The following ATXN2 variants were observed in gnomAD, a reference collection of about 807,000 sequenced individuals.
The protein encoded by ATXN2 is ataxin-2.
Under a neutral mutation model 138.6 loss-of-function variants are expected in ATXN2, and 37 were observed. That is an observed-to-expected ratio of 0.27 (90% CI 0.21 to 0.35). The LOEUF (loss-of-function observed/expected upper bound fraction) is 0.35, where lower values mean the gene tolerates loss of function less well. Ranked by LOEUF, ATXN2 falls within the 10% of genes least tolerant of loss-of-function variation. The probability of loss-of-function intolerance (pLI) is 1.00; values close to 1 mark genes in which losing one functional copy is unlikely to be tolerated. For synonymous variants in ATXN2, 549 were observed against 543.7 expected (o/e 1.01, Z -0.13); for missense variants, 1,216 against 1,480.3 (o/e 0.82, Z 2.93).
intron 14 of ATXN2, among the ~76,000 whole-genome samples, chr12:111,503,587 T>C (rs574109062): frequency 6.6e-6 from 1 of 151,938 alleles, no homozygotes; most frequent in Non-Finnish European, 1.5e-5. Flanking sequence ...CTGGGACACA[T>C]ATTTTTTTTT....
chr12:111,592,782 C>CAAAAAAAAAAACAAAAAAAAAAAA (rs1884736300), intron 1 of ATXN2, among the ~76,000 whole-genome samples: 1 of 26,018 alleles, frequency 3.8e-5, no homozygotes, highest in African/African-American at 1.1e-4. Flanking sequence ...GACTCCGTCT[C>CAAAAAAAAAAACAAAAAAAAAAAA]AAAAAAAAAA....
chr12:111,594,832 CT>C (rs923751651), intron 1 of ATXN2, among the ~76,000 whole-genome samples: 11 of 152,168 alleles, frequency 7.2e-5, no homozygotes, highest in African/African-American at 2.6e-4. Flanking sequence ...AACAACAAAG[CT>C]TTAGAACAGT....
At chr12:111,555,590 G>A (rs556917820) in intron 2 of ATXN2, among the ~76,000 whole-genome samples, 1 of 152,150 alleles carries the variant, frequency 6.6e-6, no homozygotes, top group African/African-American at 2.4e-5. Context: ...GTTTCCTGAG[G>A]CCTCCCCAGC....
chr12:111,502,505 T>A (rs1017469962), intron 14 of ATXN2, among the ~76,000 whole-genome samples: 1 of 151,988 alleles, frequency 6.6e-6, no homozygotes, highest in African/African-American at 2.4e-5. Context: ...TCTTAACTCA[T>A]GGCAACCACC....
chr12:111,481,910 C>T (rs1877266997), intron 18 of ATXN2, among the ~76,000 whole-genome samples: 1 of 152,106 alleles, frequency 6.6e-6, no homozygotes, highest in African/African-American at 2.4e-5. Flanking sequence ...CATCTGCCCA[C>T]CTCAGCCTCC....
chr12:111,497,196 C>T (rs1002621694), intron 14 of ATXN2, among the ~76,000 whole-genome samples: 3 of 151,988 alleles, frequency 2.0e-5, no homozygotes, highest in Non-Finnish European at 4.4e-5. Context: ...TAACAAGTAA[C>T]GAGACCAATA....
chr12:111,470,655 G>A lies in ATXN2; in HGVS notation c.2612C>T (p.Ala871Val), dbSNP rs1876345960. The A allele has an allele frequency of 1.2e-6, 2 of 1,614,056 alleles. No homozygotes were observed. Among genetic ancestry groups the A allele is most frequent in the Admixed American group, 1.7e-5 (1 of 59,990 alleles). The change falls in exon 19 of 25, where the codon GCC becomes GTC. Residue 871 changes from alanine (A) to valine (V), a missense_variant. This residue lies in a region of ATXN2 where 490 missense variants were observed against 653.5 expected (regional missense o/e 0.75). Transcript: ENST00000673436. ...TTGCGTGGAGTAAGCTGGTGGGGTG[G>A]CTGCAATCGGTGGGCCCGCTGCTGA... is the stretch of plus-strand genomic sequence containing the variant. ...PASAAGPPIA[A>V]TPPAYSTQYV...
chr12:111,551,585 C>A (rs1460687042), intron 5 of ATXN2, among the ~76,000 whole-genome samples: 2 of 152,130 alleles, frequency 1.3e-5, no homozygotes, highest in African/African-American at 4.8e-5. Flanking sequence ...CGTTCTCTAC[C>A]TTTCTTCCTT....
intron 1 of ATXN2, among the ~76,000 whole-genome samples, chr12:111,591,708 C>T (rs1347111075): frequency 3.9e-5 from 6 of 152,158 alleles, no homozygotes; most frequent in African/African-American, 1.4e-4. Context: ...GTCCCCTAAT[C>T]TCTCAAAGCT....
chr12:111,585,406 A>G (rs1221804988), intron 1 of ATXN2, among the ~76,000 whole-genome samples: 3 of 152,018 alleles, frequency 2.0e-5, no homozygotes, highest in Non-Finnish European at 4.4e-5. Context: ...CCAGCTACTC[A>G]GGAGTCAGAG....
intron 5 of ATXN2, among the ~76,000 whole-genome samples, chr12:111,550,824 T>G (rs1882079010): frequency 6.6e-6 from 1 of 152,196 alleles, no homozygotes; most frequent in South Asian, 2.1e-4. Context: ...GACTCCTAAG[T>G]CTAAGAGAAA....
chr12:111,507,733 G>C (rs1249245874), intron 14 of ATXN2, among the ~76,000 whole-genome samples: 2 of 152,226 alleles, frequency 1.3e-5, no homozygotes, highest in Admixed American at 1.3e-4. Context: ...GGAAAGGTGG[G>C]GAAAAGATTG....
At chr12:111,599,403 T>C (rs1885152002), upstream of ATXN2, 3 of 1,168,538 alleles carry the variant, frequency 2.6e-6, no homozygotes, top group Non-Finnish European at 3.2e-6. Context: ...CCCCGCCCGC[T>C]CCGCCGCGCC....
chr12:111,460,772 T>C (rs1240815583), intron 21 of ATXN2, among the ~76,000 whole-genome samples: 1 of 152,168 alleles, frequency 6.6e-6, no homozygotes, highest in Non-Finnish European at 1.5e-5. Flanking sequence ...CTTAAAATCA[T>C]TTGAAGAGAA....
chr12:111,515,523 A>G (rs1469134470), intron 10 of ATXN2, among the ~76,000 whole-genome samples: 1 of 152,182 alleles, frequency 6.6e-6, no homozygotes. Flanking sequence ...ATTCAAATTC[A>G]TATGTCGTTT....
At chr12:111,584,377 CAAAAAAAAAAAA>C (rs58678794) in intron 1 of ATXN2, among the ~76,000 whole-genome samples, 58 of 44,744 alleles carry the variant, frequency 1.3e-3, no homozygotes, top group Admixed American at 3.5e-3. Flanking sequence ...GACCCTGTCT[CAAAAAAAAAAAA>C]AAAAAAAAAA....
chr12:111,578,840 A>C (rs1475395081), intron 1 of ATXN2, among the ~76,000 whole-genome samples: 2 of 152,164 alleles, frequency 1.3e-5, no homozygotes, highest in Admixed American at 6.6e-5. Context: ...CAGGAGTTCA[A>C]CACCACCCAG....
rs1469521852 is a variant in ATXN2 at position 111,452,317 on chromosome 12, G to A, written c.*495C>T. ...CCCTTAACTTAAAAGTTGAACCACT[G>A]TAGACAGTGATCACCTCATCAAACT... On this transcript the variant is annotated 3_prime_UTR_variant, in exon 25 of 25. Coordinates refer to ENST00000673436, the MANE Select transcript of ATXN2 (RefSeq NM_001372574.1). The A allele has an allele frequency of 3.9e-5, 6 of 152,280 alleles. No individual in the cohort carries two copies. In the Admixed American group the frequency reaches 3.9e-4, roughly 10 times the overall value. The allele number at this position is 152,280 out of a possible 1,614,324, so 9.4% of individuals were successfully genotyped here.
intron 1 of ATXN2, among the ~76,000 whole-genome samples, chr12:111,596,652 A>G (rs1462075995): frequency 6.6e-6 from 1 of 152,236 alleles, no homozygotes; most frequent in East Asian, 1.9e-4. Flanking sequence ...ATAAAACTTC[A>G]CATTACACAA....
Sources: allele counts gnomAD v4.1 joint callset (sites outside exome capture counted in the v4.1 genomes callset), GRCh38; gene constraint gnomAD v4.1.1; regional missense constraint gnomAD v4.1.1; transcripts MANE v1.5; gene names NCBI Gene and HGNC (gene_info 2026-07-23, HGNC 2026-07-21).